ANKRD44: variants seen among roughly 807,000 people sequenced by gnomAD.
The protein encoded by ANKRD44 is serine/threonine-protein phosphatase 6 regulatory ankyrin repeat subunit B.
ANKRD44 carries 35 observed loss-of-function variants against 116.0 expected under a neutral mutation model. That is an observed-to-expected ratio of 0.30 (90% CI 0.23 to 0.40). The LOEUF (loss-of-function observed/expected upper bound fraction) is 0.40, where lower values mean the gene tolerates loss of function less well. ANKRD44 is among the 10% of genes least tolerant of loss of function. The pLI is 1.00. For synonymous variants in ANKRD44, 435 were observed against 461.8 expected (o/e 0.94, Z 0.74); for missense variants, 1,014 against 1,242.6 (o/e 0.82, Z 2.77).
intron 3 of ANKRD44, among the ~76,000 whole-genome samples, chr2:197,139,848 TTGTGTGTGTGTGTGTGTGTGTG>T (rs71012957): frequency 2.1e-4 from 27 of 131,672 alleles, no homozygotes; most frequent in East Asian, 6.9e-4. Flanking sequence ...TAAGCTGCTT[TTGTGTGTGTGTGTGTGTGTGTG>T]TGTGTGTGTG....
chr2:197,025,719 GTGAC>G (rs2076578910), intron 16 of ANKRD44, among the ~76,000 whole-genome samples: 1 of 152,232 alleles, frequency 6.6e-6, no homozygotes, highest in Admixed American at 6.5e-5. Context: ...GTGATATGGA[GTGAC>G]TGACAGGCTG....
rs369346194 is a variant in ANKRD44, at chr2:197,164,169, C to A, written c.112-17064G>T. Among the ~76,000 whole-genome samples, 8 of 152,208 alleles carry A rather than the reference C, an allele frequency of 5.3e-5. No homozygotes were observed. The East Asian group carries it at 1.5e-3, about 29-fold the overall frequency. On this transcript the variant is annotated intron_variant, in intron 2 of 27. Transcript: ENST00000282272. ...CCAGAGTTGGTGGGGAAGTTCCATT[C>A]CCGGGGAGCGAGGCTCCTTTATTCC... is the stretch of plus-strand genomic sequence containing the variant.
rs544765889 is a variant in ANKRD44, at chr2:197,120,941, T to G, written c.906+391A>C. Among the ~76,000 whole-genome samples the G allele has an allele frequency of 2.8e-5, 4 of 144,630 alleles. No homozygotes were observed. The East Asian group carries it at 8.0e-4, about 29-fold the overall frequency. The allele number at this position is 144,630 out of a possible 152,430, so 94.9% of individuals were successfully genotyped here. A position where few individuals can be genotyped will look rare whatever the true frequency, so the allele number is the denominator to read the frequency against. On this transcript the variant is annotated intron_variant, in intron 8 of 27. Coordinates refer to ENST00000282272, the MANE Select transcript of ANKRD44 (RefSeq NM_001195144.2). The stretch of plus-strand genomic sequence containing the variant: ...AAAAATAACACAACTTTTTTTTTTT[T>G]GTTTTTGAGACGGAGTCTTGCTCTG...
At chr2:197,136,306 A>G in intron 4 of ANKRD44, 1 of 423,238 alleles carries the variant, frequency 2.4e-6, no homozygotes, top group Non-Finnish European at 4.3e-6. Context: ...GTCAATGATG[A>G]TATTGTAATG....
chr2:197,162,918 G>A (rs2080003616), intron 2 of ANKRD44, among the ~76,000 whole-genome samples: 1 of 152,234 alleles, frequency 6.6e-6, no homozygotes, highest in African/African-American at 2.4e-5. Context: ...CAAAGCCTAT[G>A]CCACAATAAG....
At chr2:197,162,657 T>C (rs752397014) in intron 2 of ANKRD44, among the ~76,000 whole-genome samples, 4 of 152,224 alleles carry the variant, frequency 2.6e-5, no homozygotes, top group African/African-American at 9.6e-5. Flanking sequence ...TCAAGTGTCC[T>C]TTCCTCTGAA....
intron 1 of ANKRD44, among the ~76,000 whole-genome samples, chr2:197,270,138 TC>T (rs1265175116): frequency 2.0e-5 from 3 of 152,002 alleles, no homozygotes; most frequent in African/African-American, 7.3e-5. Flanking sequence ...ATGCTATTGT[TC>T]CCAGTTAAGA....
At chr2:197,193,608 G>A (rs887565425) in intron 1 of ANKRD44, among the ~76,000 whole-genome samples, 11 of 152,212 alleles carry the variant, frequency 7.2e-5, no homozygotes, top group African/African-American at 2.4e-4. Context: ...GGCCAGGCGC[G>A]GTGGCTCACA....
At chr2:197,105,015 A>T (rs1464070371) in intron 9 of ANKRD44, among the ~76,000 whole-genome samples, 1 of 152,182 alleles carries the variant, frequency 6.6e-6, no homozygotes, top group Non-Finnish European at 1.5e-5. Flanking sequence ...TTTTTAACTG[A>T]CTGGGACAGA....
At chr2:197,078,002 A>C (rs937956061) in intron 16 of ANKRD44, 1 of 152,140 alleles carries the variant, frequency 6.6e-6, no homozygotes, top group African/African-American at 2.4e-5. Context: ...AAAAATGAAG[A>C]TATTGCATGC....
intron 1 of ANKRD44, among the ~76,000 whole-genome samples, chr2:197,288,618 GAT>G (rs34282677): frequency 0.64 from 96,827 of 151,256 alleles, 31,276 homozygotes; most frequent in East Asian, 0.71. Context: ...AAGAAAATGT[GAT>G]ATATATATAT....
chr2:197,088,767 T>C lies in ANKRD44; in HGVS notation c.1191A>G (p.Glu397=). 6.2e-7 allele frequency: 1 copy of C among 1,613,178 alleles called. No homozygotes were observed. Among genetic ancestry groups the C allele is most frequent in the South Asian group, 1.1e-5 (1 of 90,912 alleles). Residue 397 remains glutamate, a synonymous_variant, in exon 12 of 28, where the codon GAA becomes GAG. Transcript: ENST00000282272. The part of the protein sequence containing the change: ...CCRKLLSSGF[E]IDTPDKFGRT... ...TTCCAAATTTATCTGGGGTGTCTAT[T>C]TCAAAGCCTGCAGACAGCACGTGCT...
chr2:197,226,641 G>A (rs1481315701), intron 1 of ANKRD44, among the ~76,000 whole-genome samples: 3 of 149,078 alleles, frequency 2.0e-5, no homozygotes, highest in Admixed American at 6.8e-5. Flanking sequence ...CCAGCCTGGC[G>A]ACAAGAGCAG....
chr2:197,019,432 G>C (rs2076453562), intron 17 of ANKRD44, among the ~76,000 whole-genome samples: 1 of 152,124 alleles, frequency 6.6e-6, no homozygotes, highest in African/African-American at 2.4e-5. Flanking sequence ...GGCAGTATTG[G>C]GCATGCATTG....
intron 4 of ANKRD44, among the ~76,000 whole-genome samples, chr2:197,131,353 G>A (rs1472259048): frequency 4.0e-5 from 6 of 151,672 alleles, no homozygotes; most frequent in Admixed American, 6.6e-5. Flanking sequence ...TACCACGCCC[G>A]GCTAATTTTT....
intron 1 of ANKRD44, among the ~76,000 whole-genome samples, chr2:197,202,436 G>T (rs1177593444): frequency 6.6e-6 from 1 of 151,876 alleles, no homozygotes; most frequent in Non-Finnish European, 1.5e-5. Context: ...GGGTGGTCTA[G>T]GTGACTATAA....
chr2:197,278,341 G>A (rs890222512), intron 1 of ANKRD44, among the ~76,000 whole-genome samples: 2 of 151,810 alleles, frequency 1.3e-5, no homozygotes, highest in African/African-American at 4.9e-5. Flanking sequence ...GTGCATCCAG[G>A]TAGTTACAAA....
At chr2:197,222,281 G>A (rs1405003890) in intron 1 of ANKRD44, among the ~76,000 whole-genome samples, 1 of 152,094 alleles carries the variant, frequency 6.6e-6, no homozygotes, top group Non-Finnish European at 1.5e-5. Flanking sequence ...AGGAGGGTAG[G>A]GAAGGAGGCT....
chr2:197,140,607 C>T (rs541472656), intron 3 of ANKRD44, among the ~76,000 whole-genome samples: 3 of 152,280 alleles, frequency 2.0e-5, no homozygotes, highest in African/African-American at 7.2e-5. Context: ...AGATGTGAGC[C>T]ACCATGCCCA....
Sources: allele counts gnomAD v4.1 joint callset (sites outside exome capture counted in the v4.1 genomes callset), GRCh38; gene constraint gnomAD v4.1.1; transcripts MANE v1.5; gene names NCBI Gene and HGNC (gene_info 2026-07-23, HGNC 2026-07-21).